Variants in LCOR observed in about 807,000 individuals in gnomAD.
LCOR encodes ligand-dependent corepressor.
In LCOR, 14 loss-of-function variants were observed where a neutral mutation model predicts 64.4. The ratio of observed to expected loss-of-function variants is 0.22; its 90% CI spans 0.14 to 0.34. The LOEUF (loss-of-function observed/expected upper bound fraction) is 0.34. Ranked by LOEUF, LCOR falls within the 10% of genes least tolerant of loss-of-function variation. The probability of loss-of-function intolerance (pLI) is 1.00; values close to 1 mark genes in which losing one functional copy is unlikely to be tolerated. For missense variants in LCOR, 1,686 were observed against 1,765.3 expected (o/e 0.96, Z 0.80); for synonymous variants, 643 against 642.5 (o/e 1.00, Z -0.01).
At chr10:96,849,858 C>CCT (rs1845696564) in intron 2 of LCOR, among the ~76,000 whole-genome samples, 1 of 115,692 alleles carries the variant, frequency 8.6e-6, no homozygotes, top group African/African-American at 3.4e-5. Flanking sequence ...GTGTCACTCA[C>CCT]TTTTTTTTTT....
chr10:96,841,927 C>T (rs1339107202), intron 2 of LCOR, among the ~76,000 whole-genome samples: 5 of 150,660 alleles, frequency 3.3e-5, no homozygotes, highest in Non-Finnish European at 5.9e-5. Flanking sequence ...ACTCATAATA[C>T]TAGATAGTCT....
chr10:96,938,297 G>A (rs1211624844), intron 4 of LCOR, among the ~76,000 whole-genome samples: 1 of 152,132 alleles, frequency 6.6e-6, no homozygotes, highest in African/African-American at 2.4e-5. Flanking sequence ...TAGAGTAAGT[G>A]ACACAGACCA....
chr10:96,916,894 C>T (rs189784956), intron 4 of LCOR, among the ~76,000 whole-genome samples: 2,728 of 152,264 alleles, frequency 0.018, 43 homozygotes, highest in Non-Finnish European at 0.026. Context: ...GGATTACAGG[C>T]GTGAGCCACT....
At chr10:96,971,137 C>T (rs1006334805) in intron 7 of LCOR, among the ~76,000 whole-genome samples, 8 of 152,158 alleles carry the variant, frequency 5.3e-5, no homozygotes, top group African/African-American at 1.9e-4. Flanking sequence ...CCCAGTTTTC[C>T]TGGTACCTTA....
At chr10:96,897,642 C>T (rs1456226172) in intron 2 of LCOR, among the ~76,000 whole-genome samples, 1 of 152,018 alleles carries the variant, frequency 6.6e-6, no homozygotes, top group East Asian at 1.9e-4. Flanking sequence ...CTCAGTATAT[C>T]TTTCTTTTCC....
At chr10:96,929,536 G>A (rs1344592837) in intron 4 of LCOR, among the ~76,000 whole-genome samples, 1 of 152,206 alleles carries the variant, frequency 6.6e-6, no homozygotes, top group Non-Finnish European at 1.5e-5. Flanking sequence ...GAATGTTGTG[G>A]CTGGTTTGAT....
intron 2 of LCOR, among the ~76,000 whole-genome samples, chr10:96,877,252 G>A (rs567846993): frequency 3.7e-4 from 56 of 152,202 alleles, no homozygotes; most frequent in African/African-American, 1.3e-3. Flanking sequence ...GGCCAGGTGC[G>A]GTGGCTCATG....
intron 7 of LCOR, among the ~76,000 whole-genome samples, chr10:96,965,902 C>G (rs976809529): frequency 6.6e-6 from 1 of 152,108 alleles, no homozygotes; most frequent in African/African-American, 2.4e-5. Context: ...TCATTATAAA[C>G]TGGGAGCCAG....
At chr10:96,955,069 A>C in intron 7 of LCOR, 1 of 1,614,170 alleles carries the variant, frequency 6.2e-7, no homozygotes, top group Non-Finnish European at 8.5e-7. Context: ...ACATCACTCA[A>C]AGTTCCACTG....
chr10:96,972,278 G>T (rs1848005702), intron 7 of LCOR, among the ~76,000 whole-genome samples: 1 of 151,988 alleles, frequency 6.6e-6, no homozygotes, highest in African/African-American at 2.4e-5. Context: ...CACTGCCTCT[G>T]AACCCTCCCT....
intron 7 of LCOR, among the ~76,000 whole-genome samples, chr10:96,968,398 TA>T (rs1001732955): frequency 6.6e-6 from 1 of 152,246 alleles, no homozygotes; most frequent in African/African-American, 2.4e-5. Flanking sequence ...GATTCAGTTT[TA>T]ACTAAATTTT....
chr10:96,832,861 C>A (rs1052680315), intron 1 of LCOR: 1 of 412,970 alleles, frequency 2.4e-6, no homozygotes, highest in African/African-American at 2.2e-5. Context: ...CCGCCGTCCT[C>A]CTCCTGCGCC....
At chr10:96,942,437 G>C (rs1303916151) in intron 4 of LCOR, among the ~76,000 whole-genome samples, 1 of 142,494 alleles carries the variant, frequency 7.0e-6, no homozygotes, top group African/African-American at 2.7e-5. Context: ...ACCGTGGAAG[G>C]AGACCGTGGA....
intron 2 of LCOR, among the ~76,000 whole-genome samples, chr10:96,865,350 T>TA (rs1378703842): frequency 1.3e-5 from 2 of 152,288 alleles, no homozygotes; most frequent in East Asian, 3.9e-4. Context: ...GAAGAAAAGA[T>TA]ACAATTATAC....
intron 2 of LCOR, among the ~76,000 whole-genome samples, chr10:96,900,964 C>T (rs1337388600): frequency 2.0e-5 from 3 of 150,552 alleles, no homozygotes; most frequent in Non-Finnish European, 3.0e-5. Flanking sequence ...CCAAGGCGGG[C>T]GGATCACGAG....
intron 2 of LCOR, among the ~76,000 whole-genome samples, chr10:96,885,351 C>T (rs1846324342): frequency 6.6e-6 from 1 of 151,984 alleles, no homozygotes; most frequent in South Asian, 2.1e-4. Context: ...TCTCTTTTAG[C>T]ATTAGGATGT....
At chr10:96,892,438 TG>T (rs1846461305) in intron 2 of LCOR, among the ~76,000 whole-genome samples, 1 of 152,180 alleles carries the variant, frequency 6.6e-6, no homozygotes, top group Non-Finnish European at 1.5e-5. Context: ...TTCTGGAGGC[TG>T]GGAAGTTCAA....
intron 2 of LCOR, among the ~76,000 whole-genome samples, chr10:96,883,777 G>A (rs983196850): frequency 3.3e-5 from 5 of 152,108 alleles, no homozygotes; most frequent in Non-Finnish European, 5.9e-5. Flanking sequence ...TTATTTCCCA[G>A]TCTGTGGTTT....
intron 2 of LCOR, among the ~76,000 whole-genome samples, chr10:96,888,033 G>A (rs1240629263): frequency 6.6e-6 from 1 of 150,698 alleles, no homozygotes; most frequent in Non-Finnish European, 1.5e-5. Flanking sequence ...ACAAACTGTG[G>A]TTATTCAGAT....
Sources: allele counts gnomAD v4.1 joint callset (sites outside exome capture counted in the v4.1 genomes callset), GRCh38; gene constraint gnomAD v4.1.1; transcripts MANE v1.5; gene names NCBI Gene and HGNC (gene_info 2026-07-23, HGNC 2026-07-21).